SUGCT: variants seen among roughly 807,000 people sequenced by gnomAD.
The protein encoded by SUGCT is succinyl-CoA:glutarate-CoA transferase.
SUGCT carries 41 observed loss-of-function variants against 55.0 expected under a neutral mutation model. That is an observed-to-expected ratio of 0.74 (90% CI 0.58 to 0.97). The LOEUF (loss-of-function observed/expected upper bound fraction) is 0.97, where lower values mean the gene tolerates loss of function less well. SUGCT is among the 50% of genes least tolerant of loss of function. SUGCT has a pLI of 0.00. For missense variants in SUGCT, 568 were observed against 547.8 expected, an observed-to-expected ratio of 1.04 and a Z score of -0.37; for synonymous variants, 187 against 200.4, an observed-to-expected ratio of 0.93 and a Z score of 0.56.
chr7:40,152,958 G>A lies in SUGCT; in HGVS notation c.100+17838G>A, dbSNP rs552790846. ...CTGACCTTGTGATCTGCCCATCTCGGCCTCCCAAACTGCTGGGATTACAGG... is the reference window on the plus strand; with the variant it reads ...CTGACCTTGTGATCTGCCCATCTCGACCTCCCAAACTGCTGGGATTACAGG... On this transcript the variant is annotated intron_variant, in intron 1 of 13. Coordinates refer to ENST00000335693, the MANE Select transcript of SUGCT (RefSeq NM_001193313.2). The A allele has an allele frequency of 1.3e-4, 22 of 167,584 alleles. No homozygotes were observed. In the South Asian group the frequency reaches 3.3e-3, roughly 25 times the overall value. 10.4% of individuals were successfully genotyped at this position (167,584 alleles called of 1,614,324 possible). A position where few individuals can be genotyped will look rare whatever the true frequency, so the allele number is the denominator to read the frequency against.
chr7:40,796,120 G>C (rs961923754), intron 13 of SUGCT, among the ~76,000 whole-genome samples: 1 of 151,664 alleles, frequency 6.6e-6, no homozygotes, highest in African/African-American at 2.4e-5. Flanking sequence ...GTTTGTCTGT[G>C]TACAACAAAT....
the SUGCT span, among the ~76,000 whole-genome samples, chr7:40,967,549 G>C: frequency 2.6e-4 from 40 of 151,960 alleles, no homozygotes; most frequent in Non-Finnish European, 4.1e-4. Context: ...AAAAGTACTT[G>C]TATAAATTCT....
chr7:40,647,742 T>G (rs1008049737), intron 12 of SUGCT, among the ~76,000 whole-genome samples: 2 of 151,298 alleles, frequency 1.3e-5, no homozygotes, highest in Admixed American at 1.3e-4. Flanking sequence ...TCCCAGCTAC[T>G]CGGTAGGCTG....
intron 1 of SUGCT, among the ~76,000 whole-genome samples, chr7:40,135,904 G>T (rs567614673): frequency 5.6e-4 from 85 of 152,034 alleles, no homozygotes; most frequent in African/African-American, 1.9e-3. Flanking sequence ...TTATCCTCCC[G>T]CCTCGGCCTC....
At chr7:40,241,578 C>CAA (rs111742538) in intron 7 of SUGCT, among the ~76,000 whole-genome samples, 11 of 75,118 alleles carry the variant, frequency 1.5e-4, no homozygotes, top group Admixed American at 3.2e-4. Flanking sequence ...GACTCTGTCT[C>CAA]AAAAAAAAAA....
chr7:40,925,534 T>C, the SUGCT span, among the ~76,000 whole-genome samples: 1 of 152,214 alleles, frequency 6.6e-6, no homozygotes, highest in African/African-American at 2.4e-5. Context: ...AGTGGTATTA[T>C]TCCCTATTCT....
At chr7:40,237,843 C>A in intron 7 of SUGCT, 117 bp downstream of exon 7, 1 of 707,182 alleles carries the variant, frequency 1.4e-6, no homozygotes, top group Non-Finnish European at 2.3e-6. Flanking sequence ...AAAGTAATTG[C>A]TGTTTTTGCC....
chr7:40,922,493 T>G, the SUGCT span, among the ~76,000 whole-genome samples: 1 of 152,162 alleles, frequency 6.6e-6, no homozygotes, highest in Non-Finnish European at 1.5e-5. Flanking sequence ...GGGTTCTTAG[T>G]CCTTGCCAAG....
At chr7:40,138,386 T>C (rs1413852418) in intron 1 of SUGCT, among the ~76,000 whole-genome samples, 1 of 152,238 alleles carries the variant, frequency 6.6e-6, no homozygotes, top group Non-Finnish European at 1.5e-5. Flanking sequence ...TTTGTTTATT[T>C]AGTGCTCCAT....
At chr7:40,291,422 A>G (rs972902835) in intron 8 of SUGCT, among the ~76,000 whole-genome samples, 31 of 146,656 alleles carry the variant, frequency 2.1e-4, no homozygotes, top group African/African-American at 7.8e-4. Flanking sequence ...ACCAGACACC[A>G]CATGTTCTCA....
the SUGCT span, among the ~76,000 whole-genome samples, chr7:40,896,509 G>T: frequency 6.6e-6 from 1 of 152,106 alleles, no homozygotes; most frequent in Non-Finnish European, 1.5e-5. Flanking sequence ...TCATGGGGGC[G>T]GTTACCCCCC....
At chr7:40,636,320 A>G (rs1203544450) in intron 12 of SUGCT, among the ~76,000 whole-genome samples, 1 of 152,078 alleles carries the variant, frequency 6.6e-6, no homozygotes, top group Non-Finnish European at 1.5e-5. Context: ...CTTGACCTCT[A>G]CATGTGGCTG....
chr7:40,914,530 A>T, the SUGCT span, among the ~76,000 whole-genome samples: 4 of 152,310 alleles, frequency 2.6e-5, no homozygotes, highest in South Asian at 8.3e-4. Context: ...TACCACGGAT[A>T]AGATCTTTAC....
chr7:40,958,489 G>C, the SUGCT span, among the ~76,000 whole-genome samples: 12 of 151,648 alleles, frequency 7.9e-5, no homozygotes, highest in African/African-American at 2.4e-4. Context: ...CGAAGTTCTC[G>C]TGCTGTGTTT....
intron 1 of SUGCT, chr7:40,154,221 G>C (rs1783767562): frequency 6.0e-6 from 1 of 165,356 alleles, no homozygotes; most frequent in Non-Finnish European, 1.3e-5. Flanking sequence ...TCAGCATGAA[G>C]AACTTGCTTT....
chr7:40,282,401 G>C (rs1793017363), intron 8 of SUGCT, among the ~76,000 whole-genome samples: 1 of 152,114 alleles, frequency 6.6e-6, no homozygotes, highest in Admixed American at 6.5e-5. Flanking sequence ...CCGGGAGGTG[G>C]AGGTTGCAGT....
intron 12 of SUGCT, among the ~76,000 whole-genome samples, chr7:40,528,824 G>A (rs1793937232): frequency 1.3e-5 from 2 of 152,054 alleles, no homozygotes; most frequent in South Asian, 4.1e-4. Flanking sequence ...GCACAGGATC[G>A]ACCCAGATGA....
At chr7:40,950,752 A>T in the SUGCT span, among the ~76,000 whole-genome samples, 3 of 152,142 alleles carry the variant, frequency 2.0e-5, no homozygotes, top group African/African-American at 7.2e-5. Context: ...TATATGCTGG[A>T]TTACGTTTAT....
intron 1 of SUGCT, among the ~76,000 whole-genome samples, chr7:40,150,547 C>G (rs1484673814): frequency 6.6e-6 from 1 of 152,196 alleles, no homozygotes; most frequent in African/African-American, 2.4e-5. Context: ...TGGTGGGCAC[C>G]TGTAATCCCA....
Sources: allele counts gnomAD v4.1 joint callset (sites outside exome capture counted in the v4.1 genomes callset), GRCh38; gene constraint gnomAD v4.1.1; transcripts MANE v1.5; gene names NCBI Gene and HGNC (gene_info 2026-07-23, HGNC 2026-07-21).